The following SKAP1 variants were observed in gnomAD, a reference collection of about 807,000 sequenced individuals.
SKAP1 encodes the protein src kinase-associated phosphoprotein 1.
In SKAP1, 44 loss-of-function variants were observed where a neutral mutation model predicts 58.5. The ratio of observed to expected loss-of-function variants is 0.75; its 90% CI spans 0.59 to 0.97. The LOEUF (loss-of-function observed/expected upper bound fraction) is 0.97. Ranked by LOEUF, SKAP1 falls within the 50% of genes least tolerant of loss-of-function variation. The pLI is 0.00. For missense variants in SKAP1, 390 were observed against 435.2 expected, an observed-to-expected ratio of 0.90 and a Z score of 0.92; for synonymous variants, 127 against 149.7, an observed-to-expected ratio of 0.85 and a Z score of 1.11.
chr17:48,163,160 C>G (rs949994678), intron 10 of SKAP1, among the ~76,000 whole-genome samples: 2 of 152,196 alleles, frequency 1.3e-5, no homozygotes, highest in Non-Finnish European at 2.9e-5. Context: ...AAGGGGGTGT[C>G]TCATCCATTA....
intron 2 of SKAP1, among the ~76,000 whole-genome samples, chr17:48,373,864 A>G (rs1302847599): frequency 6.6e-6 from 1 of 152,198 alleles, no homozygotes; most frequent in East Asian, 1.9e-4. Flanking sequence ...TGATGTTATA[A>G]CTCTAGAACA....
Position 48,346,007 on chromosome 17 carries a change from C to T in SKAP1, c.179-1G>A. 6.3e-7 allele frequency: 1 copy of T among 1,581,694 alleles called. No homozygotes were observed. Among genetic ancestry groups the T allele is most frequent in the Non-Finnish European group, 8.6e-7 (1 of 1,162,464 alleles). On this transcript the variant is annotated splice_acceptor_variant, in intron 3 of 12. Coordinates refer to ENST00000336915, the MANE Select transcript of SKAP1 (RefSeq NM_003726.4). LOFTEE classifies it high-confidence loss of function. ...GAGCTGTCCTGTCCAATGTCTCCCC[C>T]TGAGGGACAAAAAAGACAGAAAATA...
intron 1 of SKAP1, among the ~76,000 whole-genome samples, chr17:48,411,395 T>C (rs916769153): frequency 4.6e-5 from 6 of 131,210 alleles, no homozygotes; most frequent in Admixed American, 2.3e-4. Flanking sequence ...CCAGATTCCA[T>C]CTCAAATAAA....
chr17:48,358,245 C>G (rs775428133), intron 3 of SKAP1, among the ~76,000 whole-genome samples: 34 of 152,134 alleles, frequency 2.2e-4, no homozygotes, highest in Non-Finnish European at 2.9e-5. Context: ...TGTGCTAAAA[C>G]CTTTTGGCAT....
intron 2 of SKAP1, among the ~76,000 whole-genome samples, chr17:48,391,799 T>G (rs2067349668): frequency 6.6e-6 from 1 of 151,100 alleles, no homozygotes; most frequent in African/African-American, 2.4e-5. Flanking sequence ...TTTTTTTTTT[T>G]TTTTCTGCAT....
chr17:48,180,617 G>A (rs1219642910), intron 8 of SKAP1, among the ~76,000 whole-genome samples: 4 of 152,212 alleles, frequency 2.6e-5, no homozygotes, highest in Non-Finnish European at 1.5e-5. Context: ...AACTGGAAGG[G>A]TGAGTGAAGG....
chr17:48,282,847 T>C (rs1293848829), intron 4 of SKAP1, among the ~76,000 whole-genome samples: 2 of 152,036 alleles, frequency 1.3e-5, no homozygotes, highest in African/African-American at 4.8e-5. Context: ...CACATTTTTG[T>C]GCTCCTCTGA....
At chr17:48,278,679 A>G (rs879774388) in intron 4 of SKAP1, among the ~76,000 whole-genome samples, 3 of 152,212 alleles carry the variant, frequency 2.0e-5, no homozygotes, top group Non-Finnish European at 2.9e-5. Flanking sequence ...TCGGAGAAAT[A>G]CTTACGATGA....
intron 4 of SKAP1, among the ~76,000 whole-genome samples, chr17:48,192,629 C>T (rs1206558804): frequency 6.6e-6 from 1 of 152,042 alleles, no homozygotes; most frequent in Non-Finnish European, 1.5e-5. Flanking sequence ...CAGAGACAGC[C>T]CCTGTGAGTT....
intron 2 of SKAP1, among the ~76,000 whole-genome samples, chr17:48,385,478 T>C (rs1044415743): frequency 6.6e-6 from 1 of 151,966 alleles, no homozygotes; most frequent in African/African-American, 2.4e-5. Context: ...AAAGAGGAAG[T>C]CTCTACATCA....
intron 4 of SKAP1, among the ~76,000 whole-genome samples, chr17:48,317,498 A>G (rs1036058275): frequency 2.0e-5 from 3 of 152,244 alleles, no homozygotes; most frequent in African/African-American, 7.2e-5. Context: ...GCATAATTCT[A>G]TACTTAGACC....
chr17:48,176,452 G>T (rs1003594344), intron 9 of SKAP1, among the ~76,000 whole-genome samples: 8 of 152,200 alleles, frequency 5.3e-5, no homozygotes, highest in Non-Finnish European at 1.2e-4. Context: ...AACTTCGGTG[G>T]TGGTGGTGGT....
chr17:48,353,508 G>A (rs1771553533), intron 3 of SKAP1, among the ~76,000 whole-genome samples: 1 of 152,006 alleles, frequency 6.6e-6, no homozygotes, highest in Non-Finnish European at 1.5e-5. Flanking sequence ...TACATTTTGG[G>A]GTCTACTATG....
intron 4 of SKAP1, among the ~76,000 whole-genome samples, chr17:48,292,949 CTT>C (rs1433766384): frequency 2.6e-5 from 4 of 152,126 alleles, no homozygotes; most frequent in Non-Finnish European, 5.9e-5. Flanking sequence ...AGAACAATCT[CTT>C]GTGGATTATT....
chr17:48,339,163 C>G (rs2066614443), intron 4 of SKAP1, among the ~76,000 whole-genome samples: 1 of 152,196 alleles, frequency 6.6e-6, no homozygotes, highest in Admixed American at 6.5e-5. Context: ...GTATGTGCCT[C>G]TAAACACACA....
intron 8 of SKAP1, 96 bp downstream of exon 8, chr17:48,182,298 G>GA (rs1949441052): frequency 3.4e-6 from 3 of 891,244 alleles, no homozygotes; most frequent in Admixed American, 2.2e-5. Flanking sequence ...AGAAAGGGCA[G>GA]AAAAAATACA....
At chr17:48,143,666 G>C (rs902826920) in intron 11 of SKAP1, among the ~76,000 whole-genome samples, 1 of 152,186 alleles carries the variant, frequency 6.6e-6, no homozygotes, top group Non-Finnish European at 1.5e-5. Flanking sequence ...GTAAAAACTA[G>C]CTTTAGCTCT....
intron 4 of SKAP1, among the ~76,000 whole-genome samples, chr17:48,267,832 T>C (rs1340905859): frequency 6.6e-6 from 1 of 152,174 alleles, no homozygotes; most frequent in East Asian, 1.9e-4. Flanking sequence ...ACAAAATAGA[T>C]ACCAACAGAT....
At chr17:48,274,839 G>A (rs1384851297) in intron 4 of SKAP1, among the ~76,000 whole-genome samples, 2 of 152,014 alleles carry the variant, frequency 1.3e-5, no homozygotes, top group Non-Finnish European at 2.9e-5. Context: ...ACAGTGCCTG[G>A]CTCCAGTGAT....
Sources: gnomAD v4.1 joint callset for allele counts (sites outside exome capture counted in the v4.1 genomes callset) on GRCh38, gnomAD v4.1.1 for gene constraint, MANE v1.5 for transcripts, NCBI Gene and HGNC (gene_info 2026-07-23, HGNC 2026-07-21) for gene names.